Variants in RYR2 observed in about 807,000 individuals in gnomAD.
The protein encoded by RYR2 is ryanodine receptor 2.
A neutral mutation model predicts 601.1 loss-of-function variants in RYR2; 227 were observed. The observed-to-expected ratio is 0.38, with a 90% CI of 0.34 to 0.42. The LOEUF (loss-of-function observed/expected upper bound fraction) is 0.42. Ranked by LOEUF, RYR2 falls within the 10% of genes least tolerant of loss-of-function variation. RYR2 has a pLI of 1.00. For synonymous variants in RYR2, 2,223 were observed against 2,175.1 expected (o/e 1.02, Z -0.61); for missense variants, 4,646 against 6,156.5 (o/e 0.75, Z 8.21).
chr1:237,625,370 A>T (rs1177233982), intron 39 of RYR2, among the ~76,000 whole-genome samples: 3 of 152,182 alleles, frequency 2.0e-5, no homozygotes, highest in Non-Finnish European at 4.4e-5. Context: ...CCCAAATAGC[A>T]GAATTGATCT....
At chr1:237,334,181 T>C (rs1412331442) in intron 3 of RYR2, among the ~76,000 whole-genome samples, 3 of 152,158 alleles carry the variant, frequency 2.0e-5, no homozygotes, top group African/African-American at 7.2e-5. Flanking sequence ...AATAAATACA[T>C]GGTTTTCATA....
In RYR2 at chr1:237,827,932, GTC is replaced by G. The variant is rs1663338585; in HGVS notation, c.14591-446_14591-445del. Among the ~76,000 whole-genome samples the G allele has an allele frequency of 3.8e-5, 3 of 78,066 alleles. No homozygotes were observed. The South Asian group carries it at 1.9e-3, about 49-fold the overall frequency. The allele number at this position is 78,066 out of a possible 152,430, so 51.2% of individuals were successfully genotyped here. ...AGCCTGGGTGACAGAATGAGACTCC[GTC>G]TCAAAAAAAAAAAAAAAAAAAAAAA... On this transcript the variant is annotated intron_variant, in intron 101 of 104. Coordinates refer to ENST00000366574, the MANE Select transcript of RYR2 (RefSeq NM_001035.3).
intron 101 of RYR2, among the ~76,000 whole-genome samples, chr1:237,821,245 T>C (rs980979621): frequency 6.6e-6 from 1 of 152,098 alleles, no homozygotes. Flanking sequence ...TACCTCCCAG[T>C]AGGGGCCGAC....
chr1:237,773,732 T>G (rs1694439904), intron 87 of RYR2, 84 bp downstream of exon 87: 2 of 1,050,844 alleles, frequency 1.9e-6, no homozygotes, highest in African/African-American at 1.6e-5. Context: ...CCATATCTCC[T>G]ATTGACCCCT....
At chr1:237,409,821 A>G (rs1038685213) in intron 10 of RYR2, among the ~76,000 whole-genome samples, 1 of 152,180 alleles carries the variant, frequency 6.6e-6, no homozygotes, top group African/African-American at 2.4e-5. Context: ...TATAATATGA[A>G]TTGGCAAGGA....
chr1:237,589,382 G>A (rs1039046046), intron 29 of RYR2, among the ~76,000 whole-genome samples: 1 of 152,110 alleles, frequency 6.6e-6, no homozygotes, highest in African/African-American at 2.4e-5. Context: ...GCCAGAAGGA[G>A]GAGCAAGGCA....
rs181070719 is a variant in RYR2, at chr1:237,367,163, G to A, written c.310-2371G>A. Among the ~76,000 whole-genome samples, 26 of 152,078 alleles carry A rather than the reference G, an allele frequency of 1.7e-4. 1 individual carries two copies. The highest frequency in any genetic ancestry group is 3.4e-3 in the Middle Eastern group (1 of 294). On this transcript the variant is annotated intron_variant, in intron 5 of 104. Transcript: ENST00000366574. ...GGCTGGAGTGCAGCGGTGTGACCTC[G>A]GCTCACTGCAACCTCTGCCTCCCGG...
chr1:237,528,627 A>G (rs1053478874), intron 24 of RYR2, among the ~76,000 whole-genome samples: 1 of 152,312 alleles, frequency 6.6e-6, no homozygotes, highest in Admixed American at 6.5e-5. Flanking sequence ...ATTAGTTATG[A>G]GAAGATTATA....
At chr1:237,413,603 T>C (rs1704651794) in intron 10 of RYR2, among the ~76,000 whole-genome samples, 1 of 152,134 alleles carries the variant, frequency 6.6e-6, no homozygotes, top group African/African-American at 2.4e-5. Flanking sequence ...TCCTCTAACG[T>C]AATTAATGCT....
chr1:237,314,346 G>A (rs1436766574), intron 2 of RYR2, among the ~76,000 whole-genome samples: 5 of 152,102 alleles, frequency 3.3e-5, no homozygotes, highest in African/African-American at 7.2e-5. Flanking sequence ...TTACAGGCGT[G>A]AGCCACCATG....
At chr1:237,609,925 C>A (rs998834189) in intron 35 of RYR2, among the ~76,000 whole-genome samples, 1 of 145,816 alleles carries the variant, frequency 6.9e-6, no homozygotes, top group Non-Finnish European at 1.5e-5. Flanking sequence ...AGTATTTAAA[C>A]CAGTACTTGG....
intron 1 of RYR2, among the ~76,000 whole-genome samples, chr1:237,096,178 A>G (rs1308862863): frequency 6.6e-6 from 1 of 152,168 alleles, no homozygotes; most frequent in African/African-American, 2.4e-5. Flanking sequence ...TCAACAGAAG[A>G]GGCCTGACGT....
chr1:237,812,893 AGTTTT>A (rs1661400656), intron 100 of RYR2, among the ~76,000 whole-genome samples: 1 of 79,026 alleles, frequency 1.3e-5, no homozygotes. Context: ...AAAATGTATA[AGTTTT>A]TTTTTTTTTT....
chr1:237,795,856 G>A (rs60812650), intron 96 of RYR2, among the ~76,000 whole-genome samples: 78 of 79,660 alleles, frequency 9.8e-4, no homozygotes, highest in South Asian at 1.2e-3. Context: ...ATATGTATAT[G>A]TATATATATA....
intron 14 of RYR2, among the ~76,000 whole-genome samples, chr1:237,446,548 T>A (rs912467984): frequency 1.2e-4 from 8 of 64,926 alleles, no homozygotes; most frequent in Admixed American, 2.0e-4. Context: ...ATTGGTAAAT[T>A]TTTTTTTTGG....
chr1:237,418,547 A>G (rs1456698064), intron 11 of RYR2, among the ~76,000 whole-genome samples: 2 of 152,214 alleles, frequency 1.3e-5, no homozygotes, highest in East Asian at 3.9e-4. Flanking sequence ...CTTCCAGTGT[A>G]TTTTAAATAG....
chr1:237,288,310 TTCCAGAGAGCATCAGC>T (rs978279115), intron 2 of RYR2, among the ~76,000 whole-genome samples: 1 of 152,204 alleles, frequency 6.6e-6, no homozygotes. Flanking sequence ...AAATGGCACT[TTCCAGAGAGCATCAGC>T]TCTGGTAGTA....
In RYR2 at chr1:237,247,457, G is replaced by A. The variant is rs565021784; in HGVS notation, c.49-23040G>A. Among the ~76,000 whole-genome samples the A allele has an allele frequency of 2.6e-5, 4 of 152,296 alleles. No homozygotes were observed. The South Asian group carries it at 6.2e-4, about 24-fold the overall frequency. On this transcript the variant is annotated intron_variant, in intron 1 of 104. Transcript: ENST00000366574. ...GAGGCAGTTACAGTAACTATAGGGC[G>A]AAGAAGGGAACAGTAAAAGTTGAGC...
chr1:237,323,490 C>A (rs1318664924), intron 2 of RYR2, among the ~76,000 whole-genome samples: 2 of 152,060 alleles, frequency 1.3e-5, no homozygotes, highest in African/African-American at 4.8e-5. Context: ...AATGAGTGTA[C>A]CTTCTAGTTT....
Sources: gnomAD v4.1 joint callset for allele counts (sites outside exome capture counted in the v4.1 genomes callset) on GRCh38, gnomAD v4.1.1 for gene constraint, MANE v1.5 for transcripts, NCBI Gene and HGNC (gene_info 2026-07-23, HGNC 2026-07-21) for gene names.